CNTNAP4: variants seen among roughly 807,000 people sequenced by gnomAD.
CNTNAP4 encodes contactin-associated protein-like 4.
CNTNAP4 carries 98 observed loss-of-function variants against 148.4 expected under a neutral mutation model. That is an observed-to-expected ratio of 0.66 (90% CI 0.56 to 0.78). The LOEUF (loss-of-function observed/expected upper bound fraction) is 0.78. CNTNAP4 is among the 30% of genes least tolerant of loss of function. The probability of loss-of-function intolerance (pLI) is 0.00; values close to 1 mark genes in which losing one functional copy is unlikely to be tolerated. For missense variants in CNTNAP4, 1,935 were observed against 1,565.6 expected, an observed-to-expected ratio of 1.24 and a Z score of -3.98; for synonymous variants, 730 against 565.1, an observed-to-expected ratio of 1.29 and a Z score of -4.14.
chr16:76,315,030 G>C (rs1961557413), intron 1 of CNTNAP4, among the ~76,000 whole-genome samples: 1 of 152,032 alleles, frequency 6.6e-6, no homozygotes, highest in Admixed American at 6.5e-5. Context: ...ACTTGATTTT[G>C]TTTTCCTCAA....
At chr16:76,415,844 ATTTTT>A (rs965383630) in intron 3 of CNTNAP4, among the ~76,000 whole-genome samples, 1 of 150,478 alleles carries the variant, frequency 6.6e-6, no homozygotes, top group African/African-American at 2.4e-5. Context: ...TCTACAAAAT[ATTTTT>A]TTAATTGTTT....
intron 3 of CNTNAP4, among the ~76,000 whole-genome samples, chr16:76,359,356 C>G (rs1385140446): frequency 6.6e-6 from 1 of 152,090 alleles, no homozygotes; most frequent in Non-Finnish European, 1.5e-5. Flanking sequence ...AAACAAAAGA[C>G]AAGTGTTACT....
chr16:76,335,788 C>T (rs998330697), intron 2 of CNTNAP4, among the ~76,000 whole-genome samples: 1 of 152,128 alleles, frequency 6.6e-6, no homozygotes, highest in Admixed American at 6.5e-5. Context: ...GAACTAAAAG[C>T]TGCTGGGGGT....
intron 6 of CNTNAP4, 35 bp from the exon 7 acceptor site, chr16:76,449,680 T>C (rs1449335967): frequency 6.6e-7 from 1 of 1,511,502 alleles, no homozygotes; most frequent in Admixed American, 2.4e-5. Flanking sequence ...AGAAAATCAC[T>C]AAACAATATT....
chr16:76,514,518 C>G (rs568077653), intron 15 of CNTNAP4, among the ~76,000 whole-genome samples: 1 of 152,222 alleles, frequency 6.6e-6, no homozygotes, highest in Admixed American at 6.5e-5. Flanking sequence ...TCTGCTCTGC[C>G]TTCATAAAAG....
chr16:76,321,800 A>C lies in CNTNAP4; in HGVS notation c.196+5277A>C, dbSNP rs74517265. Reference sequence around the variant, plus strand: ...GTGACTCAGTCTCAAAAAAAAAAAAAAAAAAAACTTTATAATAATTAAATT... The same window carrying C: ...GTGACTCAGTCTCAAAAAAAAAAAACAAAAAAACTTTATAATAATTAAATT... On this transcript the variant is annotated intron_variant, in intron 2 of 23. Transcript: ENST00000611870. Among the ~76,000 whole-genome samples the C allele has an allele frequency of 4.2e-4, 48 of 113,376 alleles. 1 individual carries two copies. In the East Asian group the frequency reaches 0.019, roughly 45 times the overall value. 74.4% of individuals were successfully genotyped at this position (113,376 alleles called of 152,430 possible).
chr16:76,452,798 A>T, intron 8 of CNTNAP4, 29 bp downstream of exon 8: 2 of 1,499,536 alleles, frequency 1.3e-6, no homozygotes. Context: ...GGGGCAAAGC[A>T]TATGGATTTG....
chr16:76,399,203 G>A (rs1027427068), intron 3 of CNTNAP4, among the ~76,000 whole-genome samples: 1 of 152,088 alleles, frequency 6.6e-6, no homozygotes, highest in Non-Finnish European at 1.5e-5. Context: ...GGCTCTATTA[G>A]CAGCATGAAA....
chr16:76,415,011 A>G (rs998759494), intron 3 of CNTNAP4, among the ~76,000 whole-genome samples: 5 of 151,112 alleles, frequency 3.3e-5, no homozygotes, highest in Admixed American at 6.6e-5. Context: ...ATCATGAGGA[A>G]TAATACCTCT....
At chr16:76,451,130 A>G (rs2080457448) in intron 7 of CNTNAP4, among the ~76,000 whole-genome samples, 1 of 152,194 alleles carries the variant, frequency 6.6e-6, no homozygotes, top group South Asian at 2.1e-4. Context: ...GATGGGCCAT[A>G]GTGCAGGAGA....
intron 1 of CNTNAP4, among the ~76,000 whole-genome samples, chr16:76,304,970 G>C (rs1342245305): frequency 6.6e-6 from 1 of 152,162 alleles, no homozygotes; most frequent in Non-Finnish European, 1.5e-5. Context: ...GTAGTATTTG[G>C]TGATATGTAT....
At chr16:76,344,582 C>A (rs939249316) in intron 2 of CNTNAP4, among the ~76,000 whole-genome samples, 1 of 152,086 alleles carries the variant, frequency 6.6e-6, no homozygotes, top group Non-Finnish European at 1.5e-5. Flanking sequence ...AGTTCTAAAC[C>A]GCTGAGTCTG....
At chr16:76,471,840 G>A (rs2081388845) in intron 10 of CNTNAP4, among the ~76,000 whole-genome samples, 2 of 152,174 alleles carry the variant, frequency 1.3e-5, no homozygotes, top group Non-Finnish European at 2.9e-5. Flanking sequence ...GCGGAAGAAT[G>A]TAAGATTTGA....
intron 17 of CNTNAP4, among the ~76,000 whole-genome samples, chr16:76,527,035 A>C (rs1033163923): frequency 1.3e-5 from 2 of 152,128 alleles, no homozygotes; most frequent in Non-Finnish European, 2.9e-5. Flanking sequence ...AATTTATAGC[A>C]GTGATTAAAG....
At chr16:76,351,722 T>C (rs745672232) in intron 2 of CNTNAP4, among the ~76,000 whole-genome samples, 1 of 152,188 alleles carries the variant, frequency 6.6e-6, no homozygotes, top group Non-Finnish European at 1.5e-5. Flanking sequence ...CAATTAACTG[T>C]GAATGTTTCA....
intron 3 of CNTNAP4, among the ~76,000 whole-genome samples, chr16:76,391,074 A>G (rs912506662): frequency 2.6e-5 from 4 of 152,120 alleles, no homozygotes; most frequent in African/African-American, 7.2e-5. Flanking sequence ...TAGTCACCCT[A>G]TTGTGCTATC....
chr16:76,406,940 G>A (rs1265478217), intron 3 of CNTNAP4, among the ~76,000 whole-genome samples: 1 of 152,026 alleles, frequency 6.6e-6, no homozygotes, highest in Non-Finnish European at 1.5e-5. Context: ...CATAGGTAAA[G>A]GTGGCTACAC....
At chr16:76,436,203 G>A (rs2079819870) in intron 4 of CNTNAP4, among the ~76,000 whole-genome samples, 2 of 152,050 alleles carry the variant, frequency 1.3e-5, no homozygotes, top group African/African-American at 2.4e-5. Flanking sequence ...AGACAAAGGT[G>A]GAAAGAATGA....
At chr16:76,469,455 A>G (rs1597644934) in intron 10 of CNTNAP4, 3 of 152,096 alleles carry the variant, frequency 2.0e-5, no homozygotes, top group Admixed American at 6.6e-5. Flanking sequence ...GGACTCCCCA[A>G]CCCCTGATGG....
Sources: allele counts gnomAD v4.1 joint callset (sites outside exome capture counted in the v4.1 genomes callset), GRCh38; gene constraint gnomAD v4.1.1; transcripts MANE v1.5; gene names NCBI Gene and HGNC (gene_info 2026-07-23, HGNC 2026-07-21).